DNAH14: variants seen among roughly 807,000 people sequenced by gnomAD.
DNAH14 encodes axonemal beta dynein heavy chain 14.
Under a neutral mutation model 520.9 loss-of-function variants are expected in DNAH14, and 478 were observed. The ratio of observed to expected loss-of-function variants is 0.92; its 90% CI spans 0.85 to 0.99. The LOEUF is 0.99. Ranked by LOEUF, DNAH14 falls within the 50% of genes least tolerant of loss-of-function variation. The pLI, the probability that DNAH14 is intolerant of heterozygous loss-of-function variation, is 0.00. For synonymous variants in DNAH14, 1,581 were observed against 1,757.2 expected (o/e 0.90, Z 2.51); for missense variants, 4,831 against 5,234.5 (o/e 0.92, Z 2.38).
In DNAH14 at chr1:225,152,829, C is replaced by G. The variant is rs919401251; in HGVS notation, c.5142C>G (p.Leu1714=). Residue 1714 remains leucine, a synonymous_variant, in exon 33 of 86, where the codon CTC becomes CTG. Coordinates refer to ENST00000682510, the MANE Select transcript of DNAH14 (RefSeq NM_001367479.1). ...TTGGTTTCAAATCTGCAAATTCACT[C>G]TCTGGAAAGCTAACTAACCTTTATG... is the stretch of plus-strand genomic sequence containing the variant. ...FSFGFKSANS[L]SGKLTNLYEL... The G allele has an allele frequency of 6.4e-7, 1 of 1,551,292 alleles. No homozygotes were observed. Among genetic ancestry groups the G allele is most frequent in the Non-Finnish European group, 8.7e-7 (1 of 1,146,822 alleles).
chr1:225,187,846 C>G (rs1041241988), intron 37 of DNAH14, among the ~76,000 whole-genome samples: 2 of 151,800 alleles, frequency 1.3e-5, no homozygotes, highest in Non-Finnish European at 3.0e-5. Context: ...ACACAAAACT[C>G]TCATCAGATT....
intron 37 of DNAH14, among the ~76,000 whole-genome samples, chr1:225,185,847 AATG>A (rs545074888): frequency 1.3e-5 from 2 of 151,138 alleles, no homozygotes; most frequent in South Asian, 4.2e-4. Flanking sequence ...CTTTATCTGG[AATG>A]TATTTAATAT....
intron 38 of DNAH14, among the ~76,000 whole-genome samples, chr1:225,201,143 T>A (rs1438184890): frequency 6.6e-6 from 1 of 151,994 alleles, no homozygotes; most frequent in Non-Finnish European, 1.5e-5. Context: ...CTTCTGCTTG[T>A]TCAATTCTAT....
intron 23 of DNAH14, among the ~76,000 whole-genome samples, chr1:225,106,733 G>T (rs3101915): frequency 6.6e-6 from 1 of 152,092 alleles, no homozygotes; most frequent in African/African-American, 2.4e-5. Context: ...AGCTCCATCA[G>T]GTCCTTTAAG....
intron 36 of DNAH14, among the ~76,000 whole-genome samples, chr1:225,172,281 G>A (rs1454159279): frequency 6.6e-6 from 1 of 152,074 alleles, no homozygotes; most frequent in Non-Finnish European, 1.5e-5. Flanking sequence ...GGCAGGAGAA[G>A]GAAATAAAGG....
chr1:225,126,903 T>C (rs1251312629), intron 27 of DNAH14, among the ~76,000 whole-genome samples: 2 of 152,134 alleles, frequency 1.3e-5, no homozygotes, highest in South Asian at 2.1e-4. Context: ...TTCTGGTATG[T>C]TGTGTCTTAG....
intron 17 of DNAH14, among the ~76,000 whole-genome samples, chr1:225,054,796 T>C (rs1040648296): frequency 1.3e-5 from 2 of 152,174 alleles, no homozygotes. Flanking sequence ...TGTGTATGTA[T>C]ATTTGCCAAG....
chr1:225,090,705 C>A (rs2074301471), intron 21 of DNAH14, among the ~76,000 whole-genome samples: 2 of 152,072 alleles, frequency 1.3e-5, no homozygotes, highest in African/African-American at 4.8e-5. Context: ...CCACATCTTA[C>A]AACATACACA....
chr1:225,016,281 A>G (rs1234657976), intron 10 of DNAH14, among the ~76,000 whole-genome samples: 1 of 152,118 alleles, frequency 6.6e-6, no homozygotes, highest in Non-Finnish European at 1.5e-5. Context: ...TATCTGTAAA[A>G]GATTCTATTT....
chr1:225,017,465 T>G (rs1355257704), intron 10 of DNAH14, among the ~76,000 whole-genome samples: 2 of 152,208 alleles, frequency 1.3e-5, no homozygotes, highest in African/African-American at 2.4e-5. Context: ...CTGGAGCACT[T>G]TTGCTGGCAG....
intron 10 of DNAH14, among the ~76,000 whole-genome samples, chr1:225,015,918 C>T (rs756003189): frequency 7.9e-5 from 12 of 152,118 alleles, no homozygotes; most frequent in Non-Finnish European, 1.0e-4. Flanking sequence ...GTTCCAGAGT[C>T]GGCCACTCAT....
In DNAH14 at chr1:225,388,450, C is replaced by T. The variant is rs1046795390; in HGVS notation, c.13149C>T (p.Phe4383=). ...ATCTCATCCAGCGACTGAATTTCTT[C>T]AATACTTGGGCCAAAGTGGCTTATA... is the stretch of plus-strand genomic sequence containing the variant. The part of the protein sequence containing the change: ...IDDLIQRLNF[F]NTWAKVAYTA... The change falls in exon 82 of 86, where the codon TTC becomes TTT. Residue 4383 remains phenylalanine, a synonymous_variant. Transcript: ENST00000682510. The T allele has an allele frequency of 5.2e-6, 8 of 1,534,868 alleles. No individual in the cohort carries two copies. Among genetic ancestry groups the T allele is most frequent in the African/African-American group, 1.4e-5 (1 of 72,830 alleles).
chr1:224,995,093 G>T (rs2489327), intron 8 of DNAH14, among the ~76,000 whole-genome samples: 1 of 151,906 alleles, frequency 6.6e-6, no homozygotes, highest in African/African-American at 2.4e-5. Context: ...CGTTACCATT[G>T]TAGTCCTACA....
intron 1 of DNAH14, among the ~76,000 whole-genome samples, chr1:224,931,442 TACTTAGGTTGTCCATG>T (rs989499201): frequency 6.6e-6 from 1 of 152,166 alleles, no homozygotes; most frequent in African/African-American, 2.4e-5. Context: ...CAAATTACGG[TACTTAGGTTGTCCATG>T]ACCTGAGTAC....
At chr1:225,358,070 T>C (rs1401519141) in intron 73 of DNAH14, among the ~76,000 whole-genome samples, 1 of 152,244 alleles carries the variant, frequency 6.6e-6, no homozygotes, top group African/African-American at 2.4e-5. Context: ...TTCATTTTAT[T>C]AATGGAAGAA....
chr1:225,349,736 C>T (rs1022961130), intron 71 of DNAH14, among the ~76,000 whole-genome samples: 2 of 152,096 alleles, frequency 1.3e-5, no homozygotes, highest in African/African-American at 4.8e-5. Flanking sequence ...AGGGTCAATT[C>T]ACCAAGAAGA....
At chr1:225,342,106 A>G (rs1247375216) in intron 69 of DNAH14, among the ~76,000 whole-genome samples, 1 of 152,212 alleles carries the variant, frequency 6.6e-6, no homozygotes, top group African/African-American at 2.4e-5. Flanking sequence ...TATTTGTCTA[A>G]TCTAAAGCCC....
At chr1:225,144,773 C>T in intron 29 of DNAH14, 145 bp downstream of exon 29, 7 of 681,738 alleles carry the variant, frequency 1.0e-5, no homozygotes, top group Non-Finnish European at 1.7e-5. Flanking sequence ...ATAATTAATT[C>T]ATCAATGATG....
At chr1:224,949,587 T>C (rs1001943940) in intron 1 of DNAH14, among the ~76,000 whole-genome samples, 17 of 152,246 alleles carry the variant, frequency 1.1e-4, no homozygotes, top group African/African-American at 3.4e-4. Flanking sequence ...ATAAGATTAC[T>C]GTTTGGGAAA....
Sources: gnomAD v4.1 joint callset for allele counts (sites outside exome capture counted in the v4.1 genomes callset) on GRCh38, gnomAD v4.1.1 for gene constraint, MANE v1.5 for transcripts, NCBI Gene and HGNC (gene_info 2026-07-23, HGNC 2026-07-21) for gene names.